ENTREP2: variants seen among roughly 807,000 people sequenced by gnomAD.
The protein encoded by ENTREP2 is protein ENTREP2.
At chr15:29,452,090 C>G in the ENTREP2 span, among the ~76,000 whole-genome samples, 1 of 152,234 alleles carries the variant, frequency 6.6e-6, no homozygotes, top group Admixed American at 6.5e-5. Context: ...ATTTTACACA[C>G]TTTTCTATAT....
the ENTREP2 span, among the ~76,000 whole-genome samples, chr15:29,176,010 A>G: frequency 6.6e-6 from 1 of 152,224 alleles, no homozygotes; most frequent in Non-Finnish European, 1.5e-5. Flanking sequence ...AGTTTGATTA[A>G]AGCCCAGGCA....
At chr15:29,351,624 C>T in the ENTREP2 span, among the ~76,000 whole-genome samples, 3 of 152,110 alleles carry the variant, frequency 2.0e-5, no homozygotes, top group Non-Finnish European at 4.4e-5. Context: ...AATGTTCTAA[C>T]TATTTCATAT....
the ENTREP2 span, among the ~76,000 whole-genome samples, chr15:29,607,851 GAT>G: frequency 6.7e-6 from 1 of 150,094 alleles, no homozygotes; most frequent in African/African-American, 2.5e-5. Flanking sequence ...CAGATAGATA[GAT>G]ATAGATAGAT....
chr15:29,168,273 T>C, the ENTREP2 span, among the ~76,000 whole-genome samples: 1 of 152,114 alleles, frequency 6.6e-6, no homozygotes, highest in Non-Finnish European at 1.5e-5. Context: ...AAATCACCAC[T>C]AAAGAACTTA....
At chr15:29,213,931 T>G in the ENTREP2 span, among the ~76,000 whole-genome samples, 1 of 152,072 alleles carries the variant, frequency 6.6e-6, no homozygotes, top group African/African-American at 2.4e-5. Context: ...AACAGACACA[T>G]GAAAAAATGC....
chr15:29,646,774 G>A, the ENTREP2 span, among the ~76,000 whole-genome samples: 1 of 152,088 alleles, frequency 6.6e-6, no homozygotes, highest in African/African-American at 2.4e-5. Flanking sequence ...GCACTTTTAG[G>A]ACATGGCCTA....
At chr15:29,394,878 ATCTCTTTT>A in the ENTREP2 span, among the ~76,000 whole-genome samples, 2 of 42,926 alleles carry the variant, frequency 4.7e-5, no homozygotes, top group African/African-American at 8.7e-5. Context: ...ATGTGTCAGA[ATCTCTTTT>A]TTTTTTTTTT....
At chr15:29,596,495 G>T in the ENTREP2 span, among the ~76,000 whole-genome samples, 1 of 152,114 alleles carries the variant, frequency 6.6e-6, no homozygotes. Context: ...AGCTAGAATA[G>T]AGTGTGTATG....
chr15:29,155,345 GCTAA>G, the ENTREP2 span, among the ~76,000 whole-genome samples: 1 of 151,950 alleles, frequency 6.6e-6, no homozygotes, highest in African/African-American at 2.4e-5. Context: ...TCAGTTTAGG[GCTAA>G]CTATTCCCCA....
At chr15:29,253,735 C>T in the ENTREP2 span, among the ~76,000 whole-genome samples, 1 of 152,150 alleles carries the variant, frequency 6.6e-6, no homozygotes, top group East Asian at 1.9e-4. Context: ...GCCACCACGC[C>T]CGGCCAATAT....
chr15:29,337,065 C>T, the ENTREP2 span, among the ~76,000 whole-genome samples: 4 of 152,128 alleles, frequency 2.6e-5, no homozygotes, highest in African/African-American at 7.2e-5. Context: ...GACTTAGTTA[C>T]CTTGGTGTTA....
At chr15:29,333,818 A>G in the ENTREP2 span, among the ~76,000 whole-genome samples, 1 of 152,056 alleles carries the variant, frequency 6.6e-6, no homozygotes. Flanking sequence ...ATGAGGTCAT[A>G]TGACAGTAGG....
the ENTREP2 span, among the ~76,000 whole-genome samples, chr15:29,284,577 A>AAAT: frequency 6.6e-6 from 1 of 151,246 alleles, no homozygotes; most frequent in African/African-American, 2.4e-5. Flanking sequence ...AAAAAAACCA[A>AAAT]AAATAAATAA....
At chr15:29,517,807 A>G in the ENTREP2 span, among the ~76,000 whole-genome samples, 1 of 152,132 alleles carries the variant, frequency 6.6e-6, no homozygotes, top group South Asian at 2.1e-4. Flanking sequence ...ACTGAGGTAC[A>G]CTTGACAAAT....
At chr15:29,223,329 A>T in the ENTREP2 span, among the ~76,000 whole-genome samples, 28 of 152,030 alleles carry the variant, frequency 1.8e-4, no homozygotes, top group African/African-American at 6.5e-4. Context: ...GGCTGGAGAG[A>T]GTTTGTCTGG....
chr15:29,497,524 G>C, the ENTREP2 span, among the ~76,000 whole-genome samples: 2 of 152,010 alleles, frequency 1.3e-5, no homozygotes, highest in African/African-American at 2.4e-5. Context: ...AGTCTTTGTA[G>C]GTTGTGTGTT....
chr15:29,652,160 A>G, the ENTREP2 span, among the ~76,000 whole-genome samples: 20 of 152,126 alleles, frequency 1.3e-4, no homozygotes, highest in Admixed American at 9.8e-4. Context: ...GCAATGAACT[A>G]CCTGCAGAGA....
chr15:29,211,284 C>T, the ENTREP2 span, among the ~76,000 whole-genome samples: 9 of 152,200 alleles, frequency 5.9e-5, no homozygotes, highest in Admixed American at 2.0e-4. Flanking sequence ...GTTCTGTGAC[C>T]GTGGTGCTGT....
the ENTREP2 span, among the ~76,000 whole-genome samples, chr15:29,645,940 CATGATT>C: frequency 2.6e-5 from 4 of 152,256 alleles, no homozygotes; most frequent in African/African-American, 9.6e-5. Context: ...TAGAATAAGA[CATGATT>C]TATTTCAGAG....
Sources: allele counts gnomAD v4.1 joint callset (sites outside exome capture counted in the v4.1 genomes callset), GRCh38; gene constraint gnomAD v4.1.1; transcripts MANE v1.5; gene names NCBI Gene and HGNC (gene_info 2026-07-23, HGNC 2026-07-21).